The following DPF3 variants were observed in gnomAD, a reference collection of about 807,000 sequenced individuals.
DPF3 encodes the protein zinc finger protein DPF3.
In DPF3, 18 loss-of-function variants were observed where a neutral mutation model predicts 56.8. That is an observed-to-expected ratio of 0.32 (90% CI 0.22 to 0.47). DPF3 has a LOEUF of 0.47. Among genes scored for constraint, DPF3 ranks in the 20% least tolerant of loss-of-function variants. DPF3 has a pLI of 1.00. For synonymous variants in DPF3, 188 were observed against 180.2 expected, an observed-to-expected ratio of 1.04 and a Z score of -0.35; for missense variants, 403 against 488.8, an observed-to-expected ratio of 0.82 and a Z score of 1.65.
intron 8 of DPF3, among the ~76,000 whole-genome samples, chr14:72,672,111 G>A (rs897039055): frequency 2.0e-5 from 3 of 151,372 alleles, no homozygotes; most frequent in Admixed American, 1.3e-4. Context: ...CCCAGGTATC[G>A]GTTACTCCAG....
At chr14:72,749,860 AAAAGAAAAG>A (rs1407778111) in intron 3 of DPF3, among the ~76,000 whole-genome samples, 1 of 84,350 alleles carries the variant, frequency 1.2e-5, no homozygotes, top group African/African-American at 4.6e-5. Flanking sequence ...AAAAAAAAAG[AAAAGAAAAG>A]AAAAAAAAGT....
At chr14:72,716,822 C>T (rs1282009130) in intron 5 of DPF3, among the ~76,000 whole-genome samples, 1 of 152,200 alleles carries the variant, frequency 6.6e-6, no homozygotes, top group Non-Finnish European at 1.5e-5. Context: ...GCCATCTAGG[C>T]TTTGCATTTC....
intron 8 of DPF3, among the ~76,000 whole-genome samples, chr14:72,673,765 G>T (rs1423739114): frequency 6.6e-6 from 1 of 152,128 alleles, no homozygotes; most frequent in Admixed American, 6.5e-5. Context: ...CTAGCCAGGA[G>T]CCCGGGGATC....
At chr14:72,734,725 AGTAAC>A (rs1889818499) in intron 3 of DPF3, among the ~76,000 whole-genome samples, 1 of 152,118 alleles carries the variant, frequency 6.6e-6, no homozygotes, top group Non-Finnish European at 1.5e-5. Context: ...TGAAAAGTTA[AGTAAC>A]CACCAACAGC....
At chr14:72,744,338 T>A (rs549918747) in intron 3 of DPF3, among the ~76,000 whole-genome samples, 1 of 151,770 alleles carries the variant, frequency 6.6e-6, no homozygotes, top group South Asian at 2.1e-4. Context: ...AGTGGTGCAA[T>A]CATGGCTCAC....
At chr14:72,765,005 T>G (rs77822586) in intron 2 of DPF3, among the ~76,000 whole-genome samples, 165 of 152,328 alleles carry the variant, frequency 1.1e-3, no homozygotes, top group Non-Finnish European at 1.7e-3. Flanking sequence ...GAACACCCAG[T>G]TGGTGTCCGC....
At chr14:72,874,784 C>G (rs1886044786) in intron 1 of DPF3, among the ~76,000 whole-genome samples, 1 of 152,190 alleles carries the variant, frequency 6.6e-6, no homozygotes, top group African/African-American at 2.4e-5. Flanking sequence ...TGCTTCTGAG[C>G]CTTTCAAACT....
In DPF3 at chr14:72,613,648, G is replaced by T. The variant is rs959756350; in HGVS notation, c.*5649C>A. Among the ~76,000 whole-genome samples, 2 of 152,184 alleles carry T rather than the reference G, an allele frequency of 1.3e-5. No individual in the cohort carries two copies. Among genetic ancestry groups the T allele is most frequent in the Non-Finnish European group, 2.9e-5 (2 of 68,030 alleles). ...CCAGGGCTCACTCAGAACCCAGAGA[G>T]AGCCTGTTCCCAGGAACCCACTCAC... On this transcript the variant is annotated 3_prime_UTR_variant, in exon 11 of 11. Coordinates refer to ENST00000556509, the MANE Select transcript of DPF3 (RefSeq NM_001280542.3).
At chr14:72,836,609 T>A in intron 1 of DPF3, 2 of 849,676 alleles carry the variant, frequency 2.4e-6, no homozygotes, top group Non-Finnish European at 2.8e-6. Context: ...CCCTTTTCTC[T>A]GAAGGAAACC....
At chr14:72,890,207 G>A (rs1042523692) in intron 1 of DPF3, among the ~76,000 whole-genome samples, 7 of 152,100 alleles carry the variant, frequency 4.6e-5, no homozygotes, top group African/African-American at 1.7e-4. Context: ...AAAGCATTAT[G>A]TGGCCAGACA....
At chr14:72,746,655 T>TC (rs1416310927) in intron 3 of DPF3, among the ~76,000 whole-genome samples, 1 of 152,216 alleles carries the variant, frequency 6.6e-6, no homozygotes, top group Non-Finnish European at 1.5e-5. Context: ...ACCCAACTTT[T>TC]CCCCCGAGGG....
intron 1 of DPF3, among the ~76,000 whole-genome samples, chr14:72,884,191 C>T (rs1258387152): frequency 1.3e-5 from 2 of 151,988 alleles, no homozygotes; most frequent in Non-Finnish European, 2.9e-5. Context: ...GGGCTATGAC[C>T]GGAAATGAAA....
chr14:72,775,016 AG>A, intron 1 of DPF3, among the ~76,000 whole-genome samples: 1 of 152,328 alleles, frequency 6.6e-6, no homozygotes, highest in Non-Finnish European at 1.5e-5. Flanking sequence ...CAGGCTGTTC[AG>A]GGTATCCTGG....
At chr14:72,689,169 G>A (rs775793790) in intron 7 of DPF3, among the ~76,000 whole-genome samples, 27 of 152,160 alleles carry the variant, frequency 1.8e-4, no homozygotes, top group Admixed American at 3.3e-4. Context: ...AGCACCAGGC[G>A]CGGGATGAGC....
At chr14:72,879,200 A>G (rs941239661) in intron 1 of DPF3, among the ~76,000 whole-genome samples, 5 of 152,160 alleles carry the variant, frequency 3.3e-5, no homozygotes. Context: ...CCTGGCCAAC[A>G]TGGTGAAACG....
chr14:72,798,409 C>T (rs1235602473), intron 1 of DPF3, among the ~76,000 whole-genome samples: 2 of 151,994 alleles, frequency 1.3e-5, no homozygotes, highest in African/African-American at 4.8e-5. Context: ...ATCCCAGTAG[C>T]CATATTTTCA....
intron 1 of DPF3, among the ~76,000 whole-genome samples, chr14:72,892,842 A>C (rs1407809516): frequency 6.6e-6 from 1 of 152,150 alleles, no homozygotes; most frequent in Non-Finnish European, 1.5e-5. Flanking sequence ...CTCTGCCGAC[A>C]TCACCCAATA....
intron 3 of DPF3, among the ~76,000 whole-genome samples, chr14:72,746,832 G>A (rs767980476): frequency 1.2e-4 from 19 of 152,204 alleles, no homozygotes; most frequent in Non-Finnish European, 2.4e-4. Flanking sequence ...GATACAAGAC[G>A]CCATGTGCAG....
chr14:72,726,166 A>G (rs973145340), intron 4 of DPF3, among the ~76,000 whole-genome samples: 1 of 152,210 alleles, frequency 6.6e-6, no homozygotes, highest in Non-Finnish European at 1.5e-5. Context: ...GTATAAATAT[A>G]AGGTCTGGTT....
Sources: allele counts gnomAD v4.1 joint callset (sites outside exome capture counted in the v4.1 genomes callset), GRCh38; gene constraint gnomAD v4.1.1; transcripts MANE v1.5; gene names NCBI Gene and HGNC (gene_info 2026-07-23, HGNC 2026-07-21).